Variants in PRLR observed in about 807,000 individuals in gnomAD.
The protein encoded by PRLR is hPRL receptor.
In PRLR, 13 loss-of-function variants were observed where a neutral mutation model predicts 40.2. That is an observed-to-expected ratio of 0.32 (90% CI 0.21 to 0.51). PRLR has a LOEUF of 0.51. PRLR is among the 20% of genes least tolerant of loss of function. The pLI is 0.97. For missense variants in PRLR, 656 were observed against 747.3 expected, an observed-to-expected ratio of 0.88 and a Z score of 1.42; for synonymous variants, 269 against 278.7, an observed-to-expected ratio of 0.97 and a Z score of 0.35.
At chr5:35,084,389 C>G in intron 5 of PRLR, 81 bp downstream of exon 5, 3 of 1,364,848 alleles carry the variant, frequency 2.2e-6, no homozygotes, top group Middle Eastern at 1.9e-4. Flanking sequence ...ATCCAAAACC[C>G]AAGAAGACTC....
At chr5:35,185,364 T>C (rs1355445479) in intron 1 of PRLR, among the ~76,000 whole-genome samples, 1 of 152,122 alleles carries the variant, frequency 6.6e-6, no homozygotes. Context: ...CCTTCTAAGG[T>C]AGTATGCTTT....
At chr5:35,103,301 G>A (rs1447378917) in intron 2 of PRLR, among the ~76,000 whole-genome samples, 1 of 152,102 alleles carries the variant, frequency 6.6e-6, no homozygotes, top group African/African-American at 2.4e-5. Context: ...ATTATAAAAG[G>A]CTCTCTCTTT....
At chr5:35,221,062 G>T (rs1054765847) in intron 1 of PRLR, among the ~76,000 whole-genome samples, 15 of 152,126 alleles carry the variant, frequency 9.9e-5, no homozygotes, top group African/African-American at 3.6e-4. Context: ...AGTAGCTTCT[G>T]CAACCAAAAT....
At chr5:35,091,841 T>C (rs1354751053) in intron 2 of PRLR, among the ~76,000 whole-genome samples, 2 of 152,260 alleles carry the variant, frequency 1.3e-5, no homozygotes, top group African/African-American at 2.4e-5. Flanking sequence ...GATCTCAGCC[T>C]GGCTTAGAGA....
In PRLR at chr5:35,089,663, A is replaced by C. The variant is rs77334252; in HGVS notation, c.-43T>G. 2.5e-3 allele frequency: 4,002 copies of C among 1,607,846 alleles called. 89 individuals carry two copies. In the African/African-American group the frequency reaches 0.046, roughly 19 times the overall value. ...GCTGCAGGAAATGTATCAGAAGTTC[A>C]CTGGAAGAGAAGGTAGCAGGTAACT... On this transcript the variant is annotated splice_region_variant and 5_prime_UTR_variant, in exon 3 of 10. Transcript: ENST00000618457.
intron 1 of PRLR, among the ~76,000 whole-genome samples, chr5:35,133,498 C>CAAA (rs1429829437): frequency 6.6e-6 from 1 of 152,170 alleles, no homozygotes; most frequent in Non-Finnish European, 1.5e-5. Flanking sequence ...CATAGACTTT[C>CAAA]TTAGCAGCCA....
At chr5:35,169,523 C>G (rs1164764253) in intron 1 of PRLR, among the ~76,000 whole-genome samples, 1 of 152,066 alleles carries the variant, frequency 6.6e-6, no homozygotes, top group African/African-American at 2.4e-5. Context: ...AAACTGGATC[C>G]CTACCAAAAG....
intron 1 of PRLR, among the ~76,000 whole-genome samples, chr5:35,186,654 G>A (rs1411784652): frequency 6.6e-6 from 1 of 152,138 alleles, no homozygotes; most frequent in African/African-American, 2.4e-5. Flanking sequence ...CAAAGGAGAG[G>A]GTGGGGAGCA....
downstream of PRLR, among the ~76,000 whole-genome samples, chr5:35,051,210 G>A (rs981868231): frequency 3.3e-5 from 5 of 152,186 alleles, no homozygotes; most frequent in Admixed American, 3.3e-4. Flanking sequence ...ATCCCCAAGA[G>A]GCTGGAGAGC....
chr5:35,218,989 T>C (rs1233976143), intron 1 of PRLR, among the ~76,000 whole-genome samples: 4 of 152,170 alleles, frequency 2.6e-5, no homozygotes, highest in African/African-American at 4.8e-5. Flanking sequence ...TCCTCTGGTA[T>C]TGGCAACTTT....
chr5:35,079,317 T>G (rs1184588943), intron 5 of PRLR, among the ~76,000 whole-genome samples: 1 of 152,202 alleles, frequency 6.6e-6, no homozygotes, highest in Non-Finnish European at 1.5e-5. Context: ...CCCCATCATC[T>G]CAGCCCAAAA....
chr5:35,125,145 C>G (rs1383999602), intron 1 of PRLR, among the ~76,000 whole-genome samples: 3 of 152,150 alleles, frequency 2.0e-5, no homozygotes, highest in Non-Finnish European at 4.4e-5. Context: ...AAGTTTAGAG[C>G]TGGATTTTAC....
intron 1 of PRLR, among the ~76,000 whole-genome samples, chr5:35,121,741 G>A (rs1479248243): frequency 6.6e-6 from 1 of 152,132 alleles, no homozygotes; most frequent in Non-Finnish European, 1.5e-5. Context: ...TGAAGAAACT[G>A]AAATTCAGAG....
At chr5:35,131,042 C>T (rs1387879672) in intron 1 of PRLR, among the ~76,000 whole-genome samples, 5 of 152,238 alleles carry the variant, frequency 3.3e-5, no homozygotes, top group South Asian at 4.1e-4. Context: ...CTAGAAGTGT[C>T]GGAAAATACA....
chr5:35,116,901 T>A (rs1773055023), intron 2 of PRLR, among the ~76,000 whole-genome samples: 1 of 152,214 alleles, frequency 6.6e-6, no homozygotes, highest in South Asian at 2.1e-4. Flanking sequence ...AGCAGTGGTT[T>A]TTGGTAGGAT....
At chr5:35,067,047 G>GCCACC (rs1430210432) in intron 9 of PRLR, among the ~76,000 whole-genome samples, 2 of 152,084 alleles carry the variant, frequency 1.3e-5, no homozygotes, top group African/African-American at 4.8e-5. Flanking sequence ...ACAGGCGTGA[G>GCCACC]CCACCGCGCC....
In PRLR at chr5:35,084,473, T is replaced by C. The variant is rs756419949; in HGVS notation, c.370A>G (p.Ile124Val). 12 of 1,565,770 alleles carry C rather than the reference T, an allele frequency of 7.7e-6. No homozygotes were observed. Among genetic ancestry groups the C allele is most frequent in the Admixed American group, 2.1e-5 (1 of 47,384 alleles). The change falls in exon 5 of 10, where the codon ATA (isoleucine) becomes GTA (valine). Residue 124 changes from isoleucine to valine, a missense_variant. Coordinates refer to ENST00000618457, the MANE Select transcript of PRLR (RefSeq NM_000949.7). ...SDELYVDVTYIVQPDPPLELA... is the reference protein window; with the variant it reads ...SDELYVDVTYVVQPDPPLELA... ...CACCCACTTTCCTTCCCCTTACCTA[T>C]GTAAGTCACGTCCACATAAAGTTCA... is the stretch of plus-strand genomic sequence containing the variant.
At chr5:35,117,771 G>A (rs1257919034) in intron 2 of PRLR, among the ~76,000 whole-genome samples, 1 of 152,124 alleles carries the variant, frequency 6.6e-6, no homozygotes, top group Non-Finnish European at 1.5e-5. Context: ...AAAACTACAA[G>A]GAGAAAATAA....
intron 1 of PRLR, among the ~76,000 whole-genome samples, chr5:35,211,670 T>C (rs1776172205): frequency 6.6e-6 from 1 of 152,166 alleles, no homozygotes; most frequent in South Asian, 2.1e-4. Context: ...TATTCACAAG[T>C]ACGCTAAATA....
Sources: allele counts gnomAD v4.1 joint callset (sites outside exome capture counted in the v4.1 genomes callset), GRCh38; gene constraint gnomAD v4.1.1; transcripts MANE v1.5; gene names NCBI Gene and HGNC (gene_info 2026-07-23, HGNC 2026-07-21).